The following PTOV1 variants were observed in gnomAD, a reference collection of about 807,000 sequenced individuals.
PTOV1 encodes the protein prostate tumor-overexpressed gene 1 protein.
Under a neutral mutation model 58.0 loss-of-function variants are expected in PTOV1, and 20 were observed. The ratio of observed to expected loss-of-function variants is 0.34; its 90% CI spans 0.24 to 0.50. The LOEUF (loss-of-function observed/expected upper bound fraction) is 0.50, where lower values mean the gene tolerates loss of function less well. PTOV1 is among the 20% of genes least tolerant of loss of function. PTOV1 has a pLI of 0.98. For synonymous variants in PTOV1, 335 were observed against 234.2 expected, an observed-to-expected ratio of 1.43 and a Z score of -3.93; for missense variants, 593 against 565.4, an observed-to-expected ratio of 1.05 and a Z score of -0.50.
Position 49,857,216 on chromosome 19 carries a change from G to A in PTOV1, c.714+86G>A, listed in dbSNP as rs560866317. On this transcript the variant is annotated intron_variant, in intron 6 of 11. Transcript: ENST00000391842. ...TTGGGCAGCCAGACTTGGTGTGGGCGGAGTGTGATGCGATGGCTGGAGCAA... is the reference window on the plus strand; with the variant it reads ...TTGGGCAGCCAGACTTGGTGTGGGCAGAGTGTGATGCGATGGCTGGAGCAA... The A allele has an allele frequency of 1.0e-4, 155 of 1,534,642 alleles. 2 individuals carry two copies. In the East Asian group the frequency reaches 2.2e-3, roughly 22 times the overall value.
At chr19:49,857,273 C>T (rs1185791427) in intron 6 of PTOV1, 143 bp downstream of exon 6, 27 of 1,215,264 alleles carry the variant, frequency 2.2e-5, no homozygotes, top group Admixed American at 1.2e-4. Context: ...GGATGCCGGG[C>T]GGGTTCCCAC....
At chr19:49,859,920 G>A in intron 10 of PTOV1, 66 bp from the exon 11 acceptor site, 1 of 1,555,210 alleles carries the variant, frequency 6.4e-7, no homozygotes, top group Non-Finnish European at 8.9e-7. Context: ...ACGGCATGAT[G>A]CCGTGGTTGG....
intron 9 of PTOV1, 193 bp downstream of exon 9, chr19:49,858,307 T>TGCAGGGACTGAGCGGG: frequency 1.3e-6 from 1 of 793,180 alleles, no homozygotes; most frequent in Non-Finnish European, 2.0e-6. Flanking sequence ...CTGGTGGCTG[T>TGCAGGGACTGAGCGGG]GCAGGGACTG....
intron 1 of PTOV1, among the ~76,000 whole-genome samples, chr19:49,854,005 G>A (rs2074359715): frequency 1.3e-5 from 2 of 152,246 alleles, no homozygotes; most frequent in Non-Finnish European, 2.9e-5. Flanking sequence ...GCCGGCTTGT[G>A]CCTGTGGAGG....
chr19:49,855,191 C>A, intron 5 of PTOV1, 114 bp downstream of exon 5: 1 of 1,012,294 alleles, frequency 9.9e-7, no homozygotes, highest in Non-Finnish European at 1.5e-6. Flanking sequence ...CCGAGGGTAG[C>A]CCTCGTGGCC....
At chr19:49,860,284 T>C (rs780932125) in exon 12 of PTOV1, 1 of 1,611,698 alleles carries the variant, frequency 6.2e-7, no homozygotes, top group Admixed American at 1.7e-5. Flanking sequence ...GGGTAGTGGT[T>C]ACCCCGGGCT....
exon 1 of PTOV1, chr19:49,851,409 C>A: frequency 8.3e-7 from 1 of 1,200,724 alleles, no homozygotes; most frequent in South Asian, 4.1e-5. Flanking sequence ...CGCGGCCCCT[C>A]GTGGTGCGCG....
intron 1 of PTOV1, chr19:49,852,400 C>T (rs2074289151): frequency 6.6e-6 from 1 of 152,278 alleles, no homozygotes; most frequent in Admixed American, 6.5e-5. Flanking sequence ...GCAGCATTCG[C>T]ATCTAGTTGT....
At chr19:49,851,632 G>T in intron 1 of PTOV1, 133 bp downstream of exon 1, 1 of 1,081,460 alleles carries the variant, frequency 9.2e-7, no homozygotes, top group Non-Finnish European at 1.1e-6. Flanking sequence ...GTCCCGCCCG[G>T]GGCCGGGTTC....
chr19:49,859,867 T>C (rs2074671478), intron 10 of PTOV1, 119 bp from the exon 11 acceptor site: 4 of 1,084,006 alleles, frequency 3.7e-6, no homozygotes, highest in East Asian at 4.8e-5. Context: ...GGGTGGGGGG[T>C]GTGAGGACAG....
rs1256534455 is a variant in PTOV1, at chr19:49,854,549, T to A, written c.309+6T>A. Reference sequence around the variant, plus strand: ...GCGTCCTCGAGTGGCAGGAGGTGAGTCTCTGTGGGGCTGCGGCTGGCCTCC... The same window carrying A: ...GCGTCCTCGAGTGGCAGGAGGTGAGACTCTGTGGGGCTGCGGCTGGCCTCC... On this transcript the variant is annotated splice_donor_region_variant and intron_variant, in intron 2 of 11. Transcript: ENST00000391842. The A allele has an allele frequency of 3.1e-6, 5 of 1,611,878 alleles. No homozygotes were observed. Among genetic ancestry groups the A allele is most frequent in the Non-Finnish European group, 4.2e-6 (5 of 1,179,562 alleles).
At chr19:49,859,673 G>C (rs966500016) in intron 10 of PTOV1, among the ~76,000 whole-genome samples, 1 of 152,210 alleles carries the variant, frequency 6.6e-6, no homozygotes, top group African/African-American at 2.4e-5. Flanking sequence ...TCGGGCTCCT[G>C]AGTTGAAGCC....
chr19:49,858,300 G>A, intron 9 of PTOV1, 186 bp downstream of exon 9: 1 of 830,706 alleles, frequency 1.2e-6, no homozygotes, highest in Non-Finnish European at 1.8e-6. Flanking sequence ...CAGCCAGCTG[G>A]TGGCTGTGCA....
chr19:49,851,375 C>T, exon 1 of PTOV1: 8 of 1,143,718 alleles, frequency 7.0e-6, no homozygotes, highest in Non-Finnish European at 7.5e-6. Flanking sequence ...GCCGGGGGCC[C>T]CCTCGGGGGT....
intron 6 of PTOV1, chr19:49,857,415 T>TA (rs2074523202): frequency 1.7e-6 from 1 of 605,476 alleles, no homozygotes; most frequent in Non-Finnish European, 2.9e-6. Context: ...TGGAAGGCCC[T>TA]GCCTGGTAAC....
intron 10 of PTOV1, 180 bp downstream of exon 10, chr19:49,858,833 G>C (rs1411284726): frequency 1.7e-6 from 1 of 582,078 alleles, no homozygotes. Context: ...GCACTGGATG[G>C]GGCACTGACC....
chr19:49,856,488 CAA>C (rs2074473585), intron 5 of PTOV1: 1 of 169,816 alleles, frequency 5.9e-6, no homozygotes, highest in African/African-American at 2.4e-5. Context: ...GCGCCATCCT[CAA>C]GAGGCACCAG....
chr19:49,859,776 C>T, intron 10 of PTOV1: 6 of 601,120 alleles, frequency 1.0e-5, no homozygotes, highest in Admixed American at 2.9e-5. Flanking sequence ...TGGGCCCTTC[C>T]CGACAGAGCC....
At position 49,855,094 on chromosome 19, in the gene PTOV1, C is replaced by A; in HGVS notation, c.558+17C>A. 6.4e-7 allele frequency: 1 copy of A among 1,563,726 alleles called. No individual in the cohort carries two copies. The highest frequency in any genetic ancestry group is 2.4e-5 in the East Asian group (1 of 42,470). The stretch of plus-strand genomic sequence containing the variant: ...AACGGCTTCGTGAGTGGGGCGGGCT[C>A]CCTTGTAGCACTGTGGTGACAAGTA... On this transcript the variant is annotated intron_variant, in intron 5 of 11. Coordinates refer to ENST00000391842, the Ensembl canonical transcript of PTOV1.
Sources: gnomAD v4.1 joint callset for allele counts (sites outside exome capture counted in the v4.1 genomes callset) on GRCh38, gnomAD v4.1.1 for gene constraint, MANE v1.5 for transcripts, NCBI Gene and HGNC (gene_info 2026-07-23, HGNC 2026-07-21) for gene names.